Variants in STAP2 observed in about 807,000 individuals in gnomAD.
STAP2 encodes the protein signal-transducing adaptor protein 2.
In STAP2, 58 loss-of-function variants were observed where a neutral mutation model predicts 52.7. The observed-to-expected ratio is 1.10, with a 90% CI of 0.89 to 1.37. STAP2 has a LOEUF of 1.37. Among genes scored for constraint, STAP2 ranks in the 40% most tolerant of loss-of-function variants. The pLI, the probability that STAP2 is intolerant of heterozygous loss-of-function variation, is 0.00. For missense variants in STAP2, 522 were observed against 519.4 expected (o/e 1.00, Z -0.05); for synonymous variants, 231 against 210.5 (o/e 1.10, Z -0.84).
chr19:4,333,759 C>T lies in STAP2; in HGVS notation c.232G>A (p.Gly78Arg). ...FEKLTDEIPW[G>R]SSRDPGTHFS... ...TGGGTGCCAGGGTCACGTGAGCTTC[C>T]CCAGGGAATCTCATCTGTGAGTTTC... The change falls in exon 3 of 13, where the codon GGA becomes AGA. Residue 78 changes from glycine (G) to arginine (R), a missense_variant. Transcript: ENST00000594605. 6.2e-7 allele frequency: 1 copy of T among 1,613,572 alleles called. No individual in the cohort carries two copies. Among genetic ancestry groups the T allele is most frequent in the Non-Finnish European group, 8.5e-7 (1 of 1,179,990 alleles).
At position 4,336,722 on chromosome 19, in the gene STAP2, C is replaced by T. The variant is rs114174334; in HGVS notation, c.102+1930G>A. ...TGATCTTGACTCACTGCAAACTTCG[C>T]CTCTCAGGCTCAAATGATTCTCCTG... is the stretch of plus-strand genomic sequence containing the variant. On this transcript the variant is annotated intron_variant, in intron 1 of 12. Coordinates refer to ENST00000594605, the MANE Select transcript of STAP2 (RefSeq NM_001013841.2). 3.2e-3 allele frequency among the ~76,000 whole-genome samples: 487 copies of T among 152,182 alleles called. 2 individuals are homozygous for T. Among genetic ancestry groups the T allele is most frequent in the African/African-American group, 0.011 (465 of 41,500 alleles).
At chr19:4,336,116 A>C (rs1971976754) in intron 1 of STAP2, among the ~76,000 whole-genome samples, 1 of 151,952 alleles carries the variant, frequency 6.6e-6, no homozygotes, top group African/African-American at 2.4e-5. Flanking sequence ...AGTTCGAGCC[A>C]TTCTCCTGCC....
At chr19:4,327,288 C>T (rs768729713) in intron 7 of STAP2, 28 bp downstream of exon 7, 2 of 1,614,150 alleles carry the variant, frequency 1.2e-6, no homozygotes, top group Non-Finnish European at 1.7e-6. Context: ...CACAAAGTCA[C>T]TTCTAGGGAC....
Position 4,324,050 on chromosome 19 carries a change from G to T in STAP2, c.*83C>A. On this transcript the variant is annotated 3_prime_UTR_variant, in exon 13 of 13. Transcript: ENST00000594605. ...CCAAGCCAGACACATGGGTCCTGGG[G>T]TCAGAGTTTTAATCCTGGGAAAAAG... 7.0e-7 allele frequency: 1 copy of T among 1,433,660 alleles called. No homozygotes were observed. The highest frequency in any genetic ancestry group is 9.6e-7 in the Non-Finnish European group (1 of 1,043,714). The allele number at this position is 1,433,660 out of a possible 1,614,324, so 88.8% of individuals were successfully genotyped here.
At chr19:4,329,884 A>C in intron 5 of STAP2, 77 bp downstream of exon 5, 1 of 1,047,928 alleles carries the variant, frequency 9.5e-7, no homozygotes, top group African/African-American at 1.7e-5. Flanking sequence ...AGGGGACCCA[A>C]CTCACCGCCC....
chr19:4,325,252 C>T lies in STAP2; in HGVS notation c.1036G>A (p.Ala346Thr). ...CCAACGGGTGGCTTTGGAAGCTTGGCAGGAGGCTTTGGCAACTTCTTTGGC... is the reference window on the plus strand; with the variant it reads ...CCAACGGGTGGCTTTGGAAGCTTGGTAGGAGGCTTTGGCAACTTCTTTGGC... ...LKPKKLPKPP[A>T]KLPKPPVGPK... is the part of the protein sequence containing the mutation. Residue 346 changes from alanine to threonine, a missense_variant, in exon 11 of 13, where the codon GCC becomes ACC. Physicochemically the swap from Ala to Thr is moderately conservative, Grantham distance 58. Coordinates refer to ENST00000594605, the MANE Select transcript of STAP2 (RefSeq NM_001013841.2). The T allele has an allele frequency of 6.2e-7, 1 of 1,607,694 alleles. No homozygotes were observed.
At position 4,325,289 on chromosome 19, in the gene STAP2, T is replaced by G. The variant is rs771708902; in HGVS notation, c.999A>C (p.Pro333=). Residue 333 remains proline (P), a synonymous_variant, in exon 11 of 13, where the codon CCA becomes CCC. Coordinates refer to ENST00000594605, the MANE Select transcript of STAP2 (RefSeq NM_001013841.2). ...ENQDVASSSW[P]VILKPKKLPK... is the part of the protein sequence containing the mutation. The stretch of plus-strand genomic sequence containing the variant: ...GCAACTTCTTTGGCTTCAGGATGAC[T>G]GGCCAACTAGAGGAAGCCACTGCGT... The G allele has an allele frequency of 3.7e-6, 6 of 1,614,002 alleles. No homozygotes were observed. The highest frequency in any genetic ancestry group is 4.2e-6 in the Non-Finnish European group (5 of 1,179,974).
At position 4,329,900 on chromosome 19, in the gene STAP2, C is replaced by T. The variant is rs951511550; in HGVS notation, c.455+61G>A. Reference sequence around the variant, plus strand: ...GGGGACCCAACTCACCGCCCACCCTCAGCCACACAACCACCTCCCGTCCCC... The same window carrying T: ...GGGGACCCAACTCACCGCCCACCCTTAGCCACACAACCACCTCCCGTCCCC... On this transcript the variant is annotated intron_variant, in intron 5 of 12. Coordinates refer to ENST00000594605, the MANE Select transcript of STAP2 (RefSeq NM_001013841.2). 24 of 1,454,848 alleles carry T rather than the reference C, an allele frequency of 1.6e-5. No individual in the cohort carries two copies. The African/African-American group carries it at 1.7e-4, about 10-fold the overall frequency. 90.1% of individuals were successfully genotyped at this position (1,454,848 alleles called of 1,614,324 possible). A position where few individuals can be genotyped will look rare whatever the true frequency, so the allele number is the denominator to read the frequency against.
chr19:4,332,196 C>CTTTTTTTTTTTTTTT (rs58828365), intron 3 of STAP2, 118 bp from the exon 4 acceptor site: 8 of 218,764 alleles, frequency 3.7e-5, no homozygotes, highest in Admixed American at 1.2e-4. Context: ...TCTTTTTCTT[C>CTTTTTTTTTTTTTTT]TTTTTTTTTT....
chr19:4,333,611 G>C, intron 3 of STAP2, 83 bp downstream of exon 3: 3 of 1,506,546 alleles, frequency 2.0e-6, no homozygotes, highest in Non-Finnish European at 2.6e-6. Context: ...CTGCCCCTTC[G>C]TGGTTGGCAC....
intron 12 of STAP2, 103 bp from the exon 13 acceptor site, chr19:4,324,300 G>A (rs994092298): frequency 1.6e-5 from 21 of 1,346,148 alleles, no homozygotes; most frequent in Middle Eastern, 2.3e-4. Context: ...GCAGGGCCCC[G>A]TGCAACAGGA....
intron 9 of STAP2, 93 bp from the exon 10 acceptor site, chr19:4,325,638 G>T: frequency 7.1e-7 from 1 of 1,404,800 alleles, no homozygotes; most frequent in Non-Finnish European, 9.6e-7. Flanking sequence ...CTGGAGACAG[G>T]CATGTGTCCC....
chr19:4,336,050 T>C (rs1971975408), intron 1 of STAP2, among the ~76,000 whole-genome samples: 1 of 152,090 alleles, frequency 6.6e-6, no homozygotes, highest in Non-Finnish European at 1.5e-5. Context: ...TCTTGCTCTG[T>C]CGCCCAGGCT....
Position 4,334,052 on chromosome 19 carries a change from C to T in STAP2, c.103-8G>A. The T allele has an allele frequency of 6.2e-7, 1 of 1,606,182 alleles. No homozygotes were observed. Among genetic ancestry groups the T allele is most frequent in the East Asian group, 2.2e-5 (1 of 44,838 alleles). On this transcript the variant is annotated splice_polypyrimidine_tract_variant and splice_region_variant and intron_variant, in intron 1 of 12. Coordinates refer to ENST00000594605, the MANE Select transcript of STAP2 (RefSeq NM_001013841.2). ...CCAGAACTTCTTGTAATCCTAGGGA[C>T]CAGAAGTGCAGAAAGAAGAGGTGAG... is the stretch of plus-strand genomic sequence containing the variant.
At chr19:4,330,116 T>C in intron 4 of STAP2, 55 bp from the exon 5 acceptor site, 1 of 1,431,738 alleles carries the variant, frequency 7.0e-7, no homozygotes, top group Non-Finnish European at 9.8e-7. Context: ...AATGGACGGC[T>C]GTGCCCAAGT....
chr19:4,329,008 T>C, intron 5 of STAP2, 199 bp from the exon 6 acceptor site: 1 of 583,036 alleles, frequency 1.7e-6, no homozygotes, highest in Non-Finnish European at 2.7e-6. Flanking sequence ...GGGTTTTTTG[T>C]TTTTTTTTTG....
At chr19:4,329,466 C>T (rs972660913) in intron 5 of STAP2, among the ~76,000 whole-genome samples, 10 of 152,012 alleles carry the variant, frequency 6.6e-5, no homozygotes, top group Admixed American at 6.6e-5. Flanking sequence ...AGCCCTGCCT[C>T]GTAGGCACCT....
chr19:4,329,891 G>T, intron 5 of STAP2, 70 bp downstream of exon 5: 5 of 1,014,256 alleles, frequency 4.9e-6, no homozygotes, highest in Non-Finnish European at 6.6e-6. Context: ...CCAACTCACC[G>T]CCCACCCTCA....
At chr19:4,338,398 C>G (rs998000472) in intron 1 of STAP2, 8 of 334,566 alleles carry the variant, frequency 2.4e-5, no homozygotes, top group African/African-American at 1.5e-4. Flanking sequence ...GAGACTGAGA[C>G]AGACATCGGG....
Sources: allele counts gnomAD v4.1 joint callset (sites outside exome capture counted in the v4.1 genomes callset), GRCh38; gene constraint gnomAD v4.1.1; transcripts MANE v1.5; gene names NCBI Gene and HGNC (gene_info 2026-07-23, HGNC 2026-07-21).